Variants in MYO10 observed in about 807,000 individuals in gnomAD.
MYO10 encodes unconventional myosin-X.
A neutral mutation model predicts 257.3 loss-of-function variants in MYO10; 133 were observed. The ratio of observed to expected loss-of-function variants is 0.52; its 90% CI spans 0.45 to 0.60. The LOEUF is 0.60. MYO10 is among the 20% of genes least tolerant of loss of function. The probability of loss-of-function intolerance (pLI) is 0.00; values close to 1 mark genes in which losing one functional copy is unlikely to be tolerated. For missense variants in MYO10, 2,399 were observed against 2,635.7 expected (o/e 0.91, Z 1.97); for synonymous variants, 1,104 against 1,028.6 (o/e 1.07, Z -1.40).
At chr5:16,757,753 C>A (rs1560968686) in intron 18 of MYO10, among the ~76,000 whole-genome samples, 1 of 151,982 alleles carries the variant, frequency 6.6e-6, no homozygotes. Context: ...CAATCTTGAT[C>A]TCCCAGGCTC....
intron 39 of MYO10, 68 bp downstream of exon 39, chr5:16,670,458 T>A: frequency 7.3e-7 from 1 of 1,379,248 alleles, no homozygotes. Flanking sequence ...CCACATGAAC[T>A]TGGCCGTGAT....
chr5:16,761,136 GCC>G (rs1740701847), intron 17 of MYO10, among the ~76,000 whole-genome samples: 3 of 152,140 alleles, frequency 2.0e-5, no homozygotes, highest in Admixed American at 6.5e-5. Flanking sequence ...GATTACAGGT[GCC>G]TGCCACCATG....
intron 1 of MYO10, chr5:16,902,439 T>C: frequency 8.0e-7 from 1 of 1,245,942 alleles, no homozygotes; most frequent in East Asian, 2.3e-5. Flanking sequence ...TAACTTCACA[T>C]ACAGCTTGGG....
chr5:16,789,965 G>A (rs191555234), intron 4 of MYO10, among the ~76,000 whole-genome samples: 37 of 152,076 alleles, frequency 2.4e-4, no homozygotes, highest in African/African-American at 8.0e-4. Context: ...AAGTCTTCTC[G>A]ATGAATTTCA....
intron 27 of MYO10, among the ~76,000 whole-genome samples, chr5:16,693,972 T>C (rs1737621070): frequency 6.6e-6 from 1 of 152,198 alleles, no homozygotes. Flanking sequence ...TCCTCCAGTC[T>C]GTCTGCTTTT....
chr5:16,931,541 C>A (rs1192183538), intron 1 of MYO10, among the ~76,000 whole-genome samples: 1 of 152,134 alleles, frequency 6.6e-6, no homozygotes, highest in Non-Finnish European at 1.5e-5. Context: ...TCCTACCCTG[C>A]CCGCCCCAGC....
intron 9 of MYO10, among the ~76,000 whole-genome samples, chr5:16,771,517 T>C (rs2126659426): frequency 6.7e-6 from 1 of 149,870 alleles, no homozygotes; most frequent in East Asian, 2.0e-4. Context: ...CTGGCCCAAC[T>C]GACCCAAATC....
intron 11 of MYO10, among the ~76,000 whole-genome samples, 194 bp downstream of exon 11, chr5:16,765,882 TAGAC>T: frequency 6.6e-6 from 1 of 152,354 alleles, no homozygotes; most frequent in Middle Eastern, 3.4e-3. Context: ...TTTAGACAAT[TAGAC>T]AGCAATTCAA....
Position 16,904,555 on chromosome 5 carries a change from C to T in MYO10, c.22-26848G>A, listed in dbSNP as rs761783595. ...GTCAGAACTGAACTGAATGAGGGGA[C>T]GCCCAGCTGGTGTCTGCTGCAGAAC... On this transcript the variant is annotated intron_variant, in intron 1 of 40. Transcript: ENST00000513610. Among the ~76,000 whole-genome samples the T allele has an allele frequency of 5.3e-5, 8 of 152,264 alleles. No individual in the cohort carries two copies. The East Asian group carries it at 5.8e-4, about 11-fold the overall frequency.
chr5:16,691,224 C>T lies in MYO10; in HGVS notation c.3801-1305G>A, dbSNP rs1013389135. On this transcript the variant is annotated intron_variant, in intron 27 of 40. Transcript: ENST00000513610. ...GGTGGAGCTTGCAGTGAGCTGAGATCGCGCCACTGCACTCCAACCTGGGCG... is the reference window on the plus strand; with the variant it reads ...GGTGGAGCTTGCAGTGAGCTGAGATTGCGCCACTGCACTCCAACCTGGGCG... Among the ~76,000 whole-genome samples, 12 of 147,912 alleles carry T rather than the reference C, an allele frequency of 8.1e-5. No homozygotes were observed. The East Asian group carries it at 1.6e-3, about 20-fold the overall frequency.
intron 18 of MYO10, among the ~76,000 whole-genome samples, chr5:16,757,243 T>A (rs1390783721): frequency 1.4e-5 from 2 of 146,336 alleles, no homozygotes; most frequent in Non-Finnish European, 3.0e-5. Flanking sequence ...TGAGGCGTGA[T>A]TACACCACTG....
At chr5:16,712,104 G>A (rs1201968182) in intron 19 of MYO10, among the ~76,000 whole-genome samples, 1 of 150,314 alleles carries the variant, frequency 6.7e-6, no homozygotes, top group East Asian at 2.0e-4. Context: ...ACTGTGGCAG[G>A]TGAGGTGGGG....
chr5:16,888,775 T>TA (rs1402781485), intron 1 of MYO10, among the ~76,000 whole-genome samples: 1 of 151,150 alleles, frequency 6.6e-6, no homozygotes, highest in Admixed American at 6.6e-5. Context: ...TTGAATTAAA[T>TA]AAAATAGTTC....
intron 2 of MYO10, among the ~76,000 whole-genome samples, chr5:16,819,908 T>G (rs1026723670): frequency 6.6e-6 from 1 of 152,244 alleles, no homozygotes; most frequent in African/African-American, 2.4e-5. Context: ...CCTGAGAAAC[T>G]GCTCGAGGCC....
intron 19 of MYO10, chr5:16,713,330 C>CTT (rs2126582396): frequency 1.0e-6 from 1 of 985,842 alleles, no homozygotes; most frequent in East Asian, 1.1e-4. Context: ...CCACACTCAC[C>CTT]ATCTTCCTGT....
intron 26 of MYO10, among the ~76,000 whole-genome samples, chr5:16,696,190 T>C (rs1372027123): frequency 6.6e-6 from 1 of 152,220 alleles, no homozygotes; most frequent in South Asian, 2.1e-4. Flanking sequence ...TATTTATTGA[T>C]AGCACTCACT....
chr5:16,763,870 C>T (rs950521235), intron 12 of MYO10, 115 bp from the exon 13 acceptor site: 2 of 714,320 alleles, frequency 2.8e-6, no homozygotes, highest in Non-Finnish European at 4.7e-6. Context: ...TGTTGTCTGG[C>T]ACAGTGGCTC....
chr5:16,917,818 T>C (rs566506032), intron 1 of MYO10, among the ~76,000 whole-genome samples: 9 of 152,180 alleles, frequency 5.9e-5, no homozygotes, highest in Non-Finnish European at 8.8e-5. Context: ...CGGGGTATAG[T>C]GAGCTGTGAT....
At position 16,680,062 on chromosome 5, in the gene MYO10, C is replaced by T. The variant is rs765454422; in HGVS notation, c.4427G>A (p.Arg1476Gln). The T allele has an allele frequency of 6.2e-6, 10 of 1,611,612 alleles. No individual in the cohort carries two copies. Among genetic ancestry groups the T allele is most frequent in the East Asian group, 2.2e-5 (1 of 44,754 alleles). The change falls in exon 33 of 41, where the codon CGG (arginine) becomes CAG (glutamine). Residue 1476 changes from arginine (R) to glutamine (Q), a missense_variant. Physicochemically the swap from Arg to Gln is conservative, Grantham distance 43. Coordinates refer to ENST00000513610, the MANE Select transcript of MYO10 (RefSeq NM_012334.3). Reference sequence around the variant, plus strand: ...CTCGTTGAGCAGCTTGGTGTAGAGCCGGTAACAGTGCTTGCGCCCGTACAC... The same window carrying T: ...CTCGTTGAGCAGCTTGGTGTAGAGCTGGTAACAGTGCTTGCGCCCGTACAC... ...VTVYGRKHCY[R>Q]LYTKLLNEAT...
Sources: allele counts gnomAD v4.1 joint callset (sites outside exome capture counted in the v4.1 genomes callset), GRCh38; gene constraint gnomAD v4.1.1; transcripts MANE v1.5; gene names NCBI Gene and HGNC (gene_info 2026-07-23, HGNC 2026-07-21).